Variants in ASIC2 observed in about 807,000 individuals in gnomAD.
ASIC2 encodes the protein acid sensing ion channel subunit 2.
Under a neutral mutation model 57.3 loss-of-function variants are expected in ASIC2, and 25 were observed. The ratio of observed to expected loss-of-function variants is 0.44; its 90% CI spans 0.32 to 0.61. The LOEUF is 0.61. Ranked by LOEUF, ASIC2 falls within the 20% of genes least tolerant of loss-of-function variation. The probability of loss-of-function intolerance (pLI) is 0.06; values close to 1 mark genes in which losing one functional copy is unlikely to be tolerated. For missense variants in ASIC2, 641 were observed against 738.1 expected, an observed-to-expected ratio of 0.87 and a Z score of 1.52; for synonymous variants, 319 against 307.5, an observed-to-expected ratio of 1.04 and a Z score of -0.39.
chr17:33,634,532 T>C (rs922776293), intron 1 of ASIC2, among the ~76,000 whole-genome samples: 1 of 123,962 alleles, frequency 8.1e-6, no homozygotes, highest in Non-Finnish European at 1.8e-5. Flanking sequence ...TTTTTTTTTT[T>C]TGAGACAGAG....
intron 1 of ASIC2, among the ~76,000 whole-genome samples, chr17:33,126,089 C>A (rs1269970866): frequency 2.0e-5 from 3 of 152,240 alleles, no homozygotes; most frequent in African/African-American, 7.2e-5. Context: ...ACAACTTGTT[C>A]TCACAACAAA....
At position 33,842,804 on chromosome 17, in the gene ASIC2, C is replaced by T. The variant is rs1470767010; in HGVS notation, c.555+313174G>A. Among the ~76,000 whole-genome samples, 4 of 152,138 alleles carry T rather than the reference C, an allele frequency of 2.6e-5. No homozygotes were observed. The East Asian group carries it at 7.7e-4, about 29-fold the overall frequency. On this transcript the variant is annotated intron_variant, in intron 1 of 9. Coordinates refer to the ASIC2 transcript ENST00000359872. Reference sequence around the variant, plus strand: ...AACATTCAGAGGAGAAGAAGGATGGCCCACGAGAACCCACTCACTATGTAC... The same window carrying T: ...AACATTCAGAGGAGAAGAAGGATGGTCCACGAGAACCCACTCACTATGTAC...
chr17:33,930,867 C>T (rs1915916177), intron 1 of ASIC2, among the ~76,000 whole-genome samples: 1 of 152,124 alleles, frequency 6.6e-6, no homozygotes. Flanking sequence ...TTACAACTCC[C>T]TTGTTTCTTT....
intron 1 of ASIC2, among the ~76,000 whole-genome samples, chr17:33,817,971 T>C (rs1912636794): frequency 6.6e-6 from 1 of 152,160 alleles, no homozygotes; most frequent in Non-Finnish European, 1.5e-5. Context: ...GGGTACCACA[T>C]TTCTTGTACG....
intron 1 of ASIC2, among the ~76,000 whole-genome samples, chr17:33,971,457 G>A (rs914467460): frequency 4.6e-5 from 7 of 152,020 alleles, no homozygotes; most frequent in South Asian, 2.1e-4. Flanking sequence ...ACAAACATAC[G>A]CTCACACACC....
intron 1 of ASIC2, among the ~76,000 whole-genome samples, chr17:33,633,440 A>G (rs191530982): frequency 9.2e-5 from 14 of 152,232 alleles, no homozygotes; most frequent in East Asian, 3.9e-4. Flanking sequence ...CATTGACCCA[A>G]TCCCAGTCCC....
intron 1 of ASIC2, among the ~76,000 whole-genome samples, chr17:33,843,567 T>C (rs537548998): frequency 6.6e-6 from 1 of 152,332 alleles, no homozygotes; most frequent in South Asian, 2.1e-4. Context: ...ACTTAGAATG[T>C]AATGTATTCC....
intron 1 of ASIC2, among the ~76,000 whole-genome samples, chr17:33,256,546 G>A (rs1027793744): frequency 6.6e-6 from 1 of 152,144 alleles, no homozygotes; most frequent in African/African-American, 2.4e-5. Flanking sequence ...GTAGGGCCAG[G>A]CACGGTGGCT....
In ASIC2 at chr17:33,322,027, T is replaced by A. The variant is rs547866319; in HGVS notation, c.556-209960A>T. Among the ~76,000 whole-genome samples, 12 of 152,324 alleles carry A rather than the reference T, an allele frequency of 7.9e-5. No homozygotes were observed. In the East Asian group the frequency reaches 2.3e-3, roughly 29 times the overall value. On this transcript the variant is annotated intron_variant, in intron 1 of 9. Coordinates refer to the ASIC2 transcript ENST00000359872. ...GGATCCTGGGAAGGACCACAGTGGATCCATGGCTCTGTGTTCCACCCCTAG... is the reference window on the plus strand; with the variant it reads ...GGATCCTGGGAAGGACCACAGTGGAACCATGGCTCTGTGTTCCACCCCTAG...
chr17:33,961,159 A>G (rs1904907908), intron 1 of ASIC2, among the ~76,000 whole-genome samples: 1 of 152,174 alleles, frequency 6.6e-6, no homozygotes, highest in African/African-American at 2.4e-5. Context: ...GAAGAACCAA[A>G]ATAATTTGAC....
At chr17:33,734,113 G>A (rs573066538) in intron 1 of ASIC2, among the ~76,000 whole-genome samples, 22 of 152,186 alleles carry the variant, frequency 1.4e-4, no homozygotes, top group African/African-American at 5.3e-4. Context: ...TACCCCACAG[G>A]CACAGCCTGC....
At chr17:33,657,956 G>C (rs1907128606) in intron 1 of ASIC2, among the ~76,000 whole-genome samples, 1 of 152,098 alleles carries the variant, frequency 6.6e-6, no homozygotes, top group African/African-American at 2.4e-5. Flanking sequence ...CAACTCCTCA[G>C]GGATATAATT....
At chr17:33,062,590 T>C (rs911010033) in intron 3 of ASIC2, among the ~76,000 whole-genome samples, 1 of 152,222 alleles carries the variant, frequency 6.6e-6, no homozygotes, top group Non-Finnish European at 1.5e-5. Flanking sequence ...AACTATGTGG[T>C]CAATTTTGGA....
intron 1 of ASIC2, among the ~76,000 whole-genome samples, chr17:33,965,774 C>G (rs1471780791): frequency 1.3e-5 from 2 of 152,228 alleles, no homozygotes; most frequent in Non-Finnish European, 2.9e-5. Context: ...GAACCTCACT[C>G]TGCTGCTTCT....
chr17:34,141,402 G>T (rs747568685), intron 1 of ASIC2, among the ~76,000 whole-genome samples: 1 of 152,110 alleles, frequency 6.6e-6, no homozygotes, highest in Non-Finnish European at 1.5e-5. Flanking sequence ...TTTAAAAAAA[G>T]AATAAAATTT....
intron 1 of ASIC2, chr17:33,833,832 A>G (rs62055858): frequency 0.16 from 25,066 of 152,238 alleles, 2,532 homozygotes; most frequent in Middle Eastern, 0.26. Context: ...AAGTGGGAGG[A>G]TCGCTTGAGC....
intron 1 of ASIC2, among the ~76,000 whole-genome samples, chr17:33,974,140 C>T (rs906883389): frequency 6.6e-6 from 1 of 151,876 alleles, no homozygotes; most frequent in African/African-American, 2.4e-5. Flanking sequence ...TCTCCTCAAA[C>T]CTCCTGTGCT....
chr17:33,200,526 G>A (rs1460570791), intron 1 of ASIC2, among the ~76,000 whole-genome samples: 1 of 152,180 alleles, frequency 6.6e-6, no homozygotes, highest in East Asian at 1.9e-4. Flanking sequence ...CTTCATTGCA[G>A]ATGGAAGCTT....
At chr17:33,649,642 T>G (rs1339389731) in intron 1 of ASIC2, among the ~76,000 whole-genome samples, 1 of 152,196 alleles carries the variant, frequency 6.6e-6, no homozygotes, top group Non-Finnish European at 1.5e-5. Context: ...CACAGCTACA[T>G]TAATCAAAAC....
Sources: gnomAD v4.1 joint callset for allele counts (sites outside exome capture counted in the v4.1 genomes callset) on GRCh38, gnomAD v4.1.1 for gene constraint, MANE v1.5 for transcripts, NCBI Gene and HGNC (gene_info 2026-07-23, HGNC 2026-07-21) for gene names.